The following TOGARAM1 variants were observed in gnomAD, a reference collection of about 807,000 sequenced individuals.
The protein encoded by TOGARAM1 is TOG array regulator of axonemal microtubules protein 1.
In TOGARAM1, 100 loss-of-function variants were observed where a neutral mutation model predicts 166.6. The ratio of observed to expected loss-of-function variants is 0.60; its 90% CI spans 0.51 to 0.71. The LOEUF is 0.71. Ranked by LOEUF, TOGARAM1 falls within the 30% of genes least tolerant of loss-of-function variation. TOGARAM1 has a pLI of 0.00. For missense variants in TOGARAM1, 2,029 were observed against 2,102.7 expected, an observed-to-expected ratio of 0.96 and a Z score of 0.69; for synonymous variants, 758 against 763.8, an observed-to-expected ratio of 0.99 and a Z score of 0.13.
intron 3 of TOGARAM1, among the ~76,000 whole-genome samples, chr14:45,001,864 A>C (rs1348501392): frequency 6.6e-6 from 1 of 152,212 alleles, no homozygotes; most frequent in Non-Finnish European, 1.5e-5. Context: ...ACAGAAGAGG[A>C]AAGATTGGAG....
rs372228625 is a variant in TOGARAM1 at position 45,066,686 on chromosome 14, T to C, written c.4668T>C (p.Phe1556=). 1.2e-5 allele frequency: 19 copies of C among 1,614,028 alleles called. No individual in the cohort carries two copies. Among genetic ancestry groups the C allele is most frequent in the Admixed American group, 1.7e-5 (1 of 60,026 alleles). Residue 1556 remains phenylalanine, a synonymous_variant, in exon 17 of 20, where the codon TTT becomes TTC. Coordinates refer to ENST00000361462, the MANE Select transcript of TOGARAM1 (RefSeq NM_001308120.2). ...CTGGCTTATTAAATGCAAAAGACTT[T>C]CGTGATCGTATTAATGGGATTAAGC... ...LITGLLNAKD[F]RDRINGIKQL... is the part of the protein sequence containing the mutation.
chr14:45,057,165 T>C (rs750116051), intron 16 of TOGARAM1, among the ~76,000 whole-genome samples: 18 of 152,160 alleles, frequency 1.2e-4, no homozygotes, highest in Non-Finnish European at 2.1e-4. Context: ...TGATCCCTTG[T>C]TTATTCTGTC....
At chr14:45,024,322 AAG>A (rs1262565626) in intron 7 of TOGARAM1, among the ~76,000 whole-genome samples, 1 of 152,162 alleles carries the variant, frequency 6.6e-6, no homozygotes, top group African/African-American at 2.4e-5. Context: ...AATTAGATGG[AAG>A]TATTATAACA....
chr14:44,966,075 A>G (rs1391570790), intron 1 of TOGARAM1, among the ~76,000 whole-genome samples: 1 of 150,276 alleles, frequency 6.7e-6, no homozygotes, highest in Non-Finnish European at 1.5e-5. Context: ...GGGTTTCACC[A>G]TGTTGGCCAG....
chr14:45,028,630 T>A (rs1051434423), intron 10 of TOGARAM1, among the ~76,000 whole-genome samples: 2 of 152,170 alleles, frequency 1.3e-5, no homozygotes, highest in Non-Finnish European at 2.9e-5. Context: ...ACTGAGATGG[T>A]GATTCTGGTT....
At chr14:45,049,303 C>A (rs1882242405) in intron 14 of TOGARAM1, among the ~76,000 whole-genome samples, 1 of 151,752 alleles carries the variant, frequency 6.6e-6, no homozygotes. Flanking sequence ...TGCTCTGTCA[C>A]CCAGGTTGAA....
intron 7 of TOGARAM1, 38 bp downstream of exon 7, chr14:45,012,113 A>G: frequency 1.5e-6 from 2 of 1,307,538 alleles, no homozygotes; most frequent in Non-Finnish European, 2.1e-6. Flanking sequence ...TTTATAAAAT[A>G]TGATTTTCAA....
At chr14:45,028,424 T>A (rs1333955797) in intron 10 of TOGARAM1, 95 bp downstream of exon 10, 18 of 1,298,232 alleles carry the variant, frequency 1.4e-5, no homozygotes, top group Non-Finnish European at 1.5e-5. Flanking sequence ...TGACTAAGAA[T>A]GAAATATCTT....
At chr14:44,989,743 G>A (rs969133664) in intron 1 of TOGARAM1, among the ~76,000 whole-genome samples, 1 of 152,080 alleles carries the variant, frequency 6.6e-6, no homozygotes, top group African/African-American at 2.4e-5. Flanking sequence ...TGTCTTTATA[G>A]CAGTACCTCA....
chr14:44,969,244 C>A (rs1301820597), intron 1 of TOGARAM1, among the ~76,000 whole-genome samples: 1 of 151,198 alleles, frequency 6.6e-6, no homozygotes, highest in East Asian at 1.9e-4. Flanking sequence ...CTCTGCCTCC[C>A]GGGATCAAGT....
intron 3 of TOGARAM1, among the ~76,000 whole-genome samples, chr14:45,002,841 T>C (rs746389639): frequency 6.6e-6 from 1 of 152,072 alleles, no homozygotes; most frequent in Non-Finnish European, 1.5e-5. Context: ...TAGCCGGACA[T>C]GGTGGCGGGC....
At chr14:45,045,543 G>GTGTATATA (rs1457434775) in intron 13 of TOGARAM1, among the ~76,000 whole-genome samples, 3 of 38,920 alleles carry the variant, frequency 7.7e-5, no homozygotes, top group Non-Finnish European at 9.9e-5. Flanking sequence ...GTCTGTGTGT[G>GTGTATATA]TATATATATA....
At chr14:45,015,855 T>C (rs1406139513) in intron 7 of TOGARAM1, among the ~76,000 whole-genome samples, 1 of 152,168 alleles carries the variant, frequency 6.6e-6, no homozygotes, top group Non-Finnish European at 1.5e-5. Flanking sequence ...GTGAAGCCAG[T>C]ACAGAAGGTT....
intron 1 of TOGARAM1, among the ~76,000 whole-genome samples, chr14:44,983,346 G>A (rs1181254882): frequency 6.6e-6 from 1 of 152,192 alleles, no homozygotes; most frequent in Non-Finnish European, 1.5e-5. Flanking sequence ...TGAGGTAGCA[G>A]GAAAGGGTGT....
At chr14:44,990,678 G>A (rs1323821885) in intron 1 of TOGARAM1, among the ~76,000 whole-genome samples, 1 of 152,132 alleles carries the variant, frequency 6.6e-6, no homozygotes, top group Non-Finnish European at 1.5e-5. Context: ...AAAACAAACT[G>A]CACACAAAAT....
chr14:45,004,128 C>T lies in TOGARAM1; in HGVS notation c.2406C>T (p.Ser802=). The change falls in exon 4 of 20, where the codon TCC becomes TCT. Residue 802 remains serine (S), a synonymous_variant. Coordinates refer to ENST00000361462, the MANE Select transcript of TOGARAM1 (RefSeq NM_001308120.2). ...TTGGTAGTCAAACAGAGTGTACTTC[C>T]TCAAATGGTCAAAATCCAAGTCCAG... ...QTFGSQTECT[S]SNGQNPSPGA... is the part of the protein sequence containing the mutation. The T allele has an allele frequency of 6.2e-7, 1 of 1,614,052 alleles. No individual in the cohort carries two copies.
intron 3 of TOGARAM1, among the ~76,000 whole-genome samples, chr14:45,003,287 A>G (rs1360244784): frequency 6.6e-6 from 1 of 151,600 alleles, no homozygotes; most frequent in African/African-American, 2.4e-5. Flanking sequence ...TTTGTCACGG[A>G]AAACATTTTT....
At chr14:45,008,436 C>G (rs1294598668) in intron 5 of TOGARAM1, among the ~76,000 whole-genome samples, 1 of 151,912 alleles carries the variant, frequency 6.6e-6, no homozygotes, top group Non-Finnish European at 1.5e-5. Context: ...TCAGAAGTTA[C>G]GTACAGTGAT....
At chr14:44,994,608 G>A (rs1023261535) in intron 1 of TOGARAM1, among the ~76,000 whole-genome samples, 1 of 152,078 alleles carries the variant, frequency 6.6e-6, no homozygotes, top group African/African-American at 2.4e-5. Context: ...TTGTAGAGAT[G>A]GGATTTCACT....
Sources: allele counts gnomAD v4.1 joint callset (sites outside exome capture counted in the v4.1 genomes callset), GRCh38; gene constraint gnomAD v4.1.1; transcripts MANE v1.5; gene names NCBI Gene and HGNC (gene_info 2026-07-23, HGNC 2026-07-21).